The following UNG variants were observed in gnomAD, a reference collection of about 807,000 sequenced individuals.
UNG encodes uracil DNA glycosylase, also known as uracil-DNA glycosylase.
In UNG, 34 loss-of-function variants were observed where a neutral mutation model predicts 36.5. That is an observed-to-expected ratio of 0.93 (90% CI 0.71 to 1.24). The LOEUF (loss-of-function observed/expected upper bound fraction) is 1.24, where lower values mean the gene tolerates loss of function less well. UNG is among the 50% of genes most tolerant of loss of function. The pLI, the probability that UNG is intolerant of heterozygous loss-of-function variation, is 0.00. For missense variants in UNG, 391 were observed against 397.6 expected (o/e 0.98, Z 0.14); for synonymous variants, 172 against 157.8 (o/e 1.09, Z -0.67).
rs970558065 is a variant in UNG at position 109,110,715 on chromosome 12, G to T, written c.*746G>T. On this transcript the variant is annotated 3_prime_UTR_variant, in exon 7 of 7. Coordinates refer to ENST00000242576, the MANE Select transcript of UNG (RefSeq NM_080911.3). The stretch of plus-strand genomic sequence containing the variant: ...TTTTCTCCTAGGGTTATGTCCAGTT[G>T]GGGTTTTTAAGGCAGCACAGACTGC... 1.3e-5 allele frequency: 2 copies of T among 152,226 alleles called. No individual in the cohort carries two copies. Among genetic ancestry groups the T allele is most frequent in the African/African-American group, 4.8e-5 (2 of 41,378 alleles). 9.4% of individuals were successfully genotyped at this position (152,226 alleles called of 1,614,324 possible).
At position 109,108,735 on chromosome 12, in the gene UNG, A is replaced by G. The variant is rs1223157986; in HGVS notation, c.802-1094A>G. Among the ~76,000 whole-genome samples the G allele has an allele frequency of 3.9e-5, 6 of 152,340 alleles. No homozygotes were observed. In the East Asian group the frequency reaches 1.2e-3, roughly 29 times the overall value. ...AGCCTCGAACTCCTGGGCTCAAGTG[A>G]TCCTGCCACCTCAGTCTTCTGTGTA... On this transcript the variant is annotated intron_variant, in intron 6 of 6. Coordinates refer to ENST00000242576, the MANE Select transcript of UNG (RefSeq NM_080911.3).
In UNG at chr12:109,106,131, C is replaced by T. The variant is rs187049853; in HGVS notation, c.801+2520C>T. On this transcript the variant is annotated intron_variant, in intron 6 of 6. Transcript: ENST00000242576. ...GGCCTGTGCTGCTTGCGTGTGTGTTCAGCATTTGGTGTGCATGACTTCTTA... is the reference window on the plus strand; with the variant it reads ...GGCCTGTGCTGCTTGCGTGTGTGTTTAGCATTTGGTGTGCATGACTTCTTA... Among the ~76,000 whole-genome samples the T allele has an allele frequency of 1.4e-3, 209 of 152,292 alleles. 1 individual carries two copies. The highest frequency in any genetic ancestry group is 4.8e-3 in the African/African-American group (198 of 41,564).
In UNG at chr12:109,101,935, C is replaced by A. The variant is rs758959937; in HGVS notation, c.469C>A (p.His157Asn). Residue 157 changes from histidine (H) to asparagine (N), a missense_variant, in exon 4 of 7, where the codon CAT becomes AAT. His to Asn is a moderately conservative substitution (Grantham distance 68, BLOSUM62 1). Coordinates refer to ENST00000242576, the MANE Select transcript of UNG (RefSeq NM_080911.3). ...KVVILGQDPY[H>N]GPNQAHGLCF... ...TGTCATCCTGGGACAGGATCCATAT[C>A]ATGGACCTAATCAAGCTCACGGGCT... The A allele has an allele frequency of 1.9e-6, 3 of 1,614,078 alleles. No individual in the cohort carries two copies. The highest frequency in any genetic ancestry group is 2.5e-6 in the Non-Finnish European group (3 of 1,180,006).
Position 109,110,058 on chromosome 12 carries a change from A to C in UNG, c.*89A>C. On this transcript the variant is annotated 3_prime_UTR_variant, in exon 7 of 7. Transcript: ENST00000242576. ...ACTGAAAATTTTCCTATTAATTCTT[A>C]AGTACTCTGCATAAGGGGGAAAAGC... 6.3e-7 allele frequency: 1 copy of C among 1,580,642 alleles called. No homozygotes were observed. The highest frequency in any genetic ancestry group is 8.6e-7 in the Non-Finnish European group (1 of 1,158,234).
At chr12:109,100,441 T>G (rs1418472565) in intron 3 of UNG, among the ~76,000 whole-genome samples, 2 of 152,170 alleles carry the variant, frequency 1.3e-5, no homozygotes, top group African/African-American at 4.8e-5. Context: ...GTGAAATAGG[T>G]GAATAAATCA....
chr12:109,100,873 A>T (rs887432683), intron 3 of UNG, among the ~76,000 whole-genome samples: 1 of 152,168 alleles, frequency 6.6e-6, no homozygotes, highest in South Asian at 2.1e-4. Context: ...GATTCTAAGA[A>T]CGCAATGGCA....
In UNG at chr12:109,098,111, T is replaced by G; in HGVS notation, c.132+300T>G. ...GGGCGGGACCCAGAGGGAGGTTTTT[T>G]GCCGCGAAAAGACCACGTGGGGACG... On this transcript the variant is annotated intron_variant, in intron 1 of 6. Transcript: ENST00000242576. 3.7e-6 allele frequency: 5 copies of G among 1,362,636 alleles called. No homozygotes were observed. The South Asian group carries it at 5.7e-5, about 16-fold the overall frequency. 84.4% of individuals were successfully genotyped at this position (1,362,636 alleles called of 1,614,324 possible). A position where few individuals can be genotyped will look rare whatever the true frequency, so the allele number is the denominator to read the frequency against.
chr12:109,098,555 G>A lies in UNG; in HGVS notation c.256G>A (p.Ala86Thr), dbSNP rs1213187385. Residue 86 changes from alanine (A) to threonine (T), a missense_variant, in exon 2 of 7, where the codon GCG (alanine) becomes ACG (threonine). Physicochemically the swap from Ala to Thr is moderately conservative, Grantham distance 58. Transcript: ENST00000242576. ...CAAGGCCGCGGCCCTGCTCAGACTC[G>A]CGGCCCGCAACGTGCCCGTGGGCTT... Reference protein sequence around the residue: ...RNKAAALLRLAARNVPVGFGE... With the variant: ...RNKAAALLRLTARNVPVGFGE... 6.2e-7 allele frequency: 1 copy of A among 1,613,302 alleles called. No individual in the cohort carries two copies. The highest frequency in any genetic ancestry group is 1.3e-5 in the African/African-American group (1 of 75,064).
Position 109,103,556 on chromosome 12 carries a change from T to C in UNG, c.746T>C (p.Leu249Pro). The C allele has an allele frequency of 6.2e-7, 1 of 1,614,156 alleles. No homozygotes were observed. The highest frequency in any genetic ancestry group is 8.5e-7 in the Non-Finnish European group (1 of 1,180,042). Residue 249 changes from leucine to proline, a missense_variant, in exon 6 of 7, where the codon CTT becomes CCT. By Grantham distance (98) the Leu-to-Pro change is moderately conservative (BLOSUM62 -3). Transcript: ENST00000242576. ...TGGCTAAATCAGAACTCGAATGGCC[T>C]TGTTTTCTTGCTCTGGGGCTCTTAT... ...VSWLNQNSNGLVFLLWGSYAQ... is the reference protein window; with the variant it reads ...VSWLNQNSNGPVFLLWGSYAQ...
At chr12:109,102,385 G>A (rs1342730754) in intron 4 of UNG, among the ~76,000 whole-genome samples, 1 of 152,144 alleles carries the variant, frequency 6.6e-6, no homozygotes, top group Non-Finnish European at 1.5e-5. Flanking sequence ...GGCTGAGGCA[G>A]GAGAATCGCT....
chr12:109,097,982 T>A, intron 1 of UNG, 171 bp downstream of exon 1: 1 of 1,255,090 alleles, frequency 8.0e-7, no homozygotes, highest in Non-Finnish European at 1.1e-6. Context: ...TGGGCCGCCA[T>A]GCTAAAGGGC....
chr12:109,101,849 T>C (rs984812046), intron 3 of UNG, 53 bp from the exon 4 acceptor site: 9 of 1,476,772 alleles, frequency 6.1e-6, no homozygotes, highest in Non-Finnish European at 7.6e-6. Flanking sequence ...AGGCAGGGTC[T>C]GTGCTGCTTA....
chr12:109,098,302 G>A (rs925216587), intron 1 of UNG, 130 bp from the exon 2 acceptor site: 11 of 1,584,002 alleles, frequency 6.9e-6, no homozygotes, highest in Middle Eastern at 1.8e-4. Context: ...CTTACTGTCC[G>A]CTTTTGCTGG....
intron 6 of UNG, among the ~76,000 whole-genome samples, chr12:109,105,404 C>T (rs2042208726): frequency 6.6e-6 from 1 of 152,162 alleles, no homozygotes; most frequent in African/African-American, 2.4e-5. Flanking sequence ...GCCAGTGTTG[C>T]TCTTCCGCAG....
intron 6 of UNG, among the ~76,000 whole-genome samples, chr12:109,108,314 G>T (rs1054821003): frequency 6.6e-6 from 1 of 152,018 alleles, no homozygotes; most frequent in African/African-American, 2.4e-5. Context: ...GCACTCACAC[G>T]TTGTTTTTTT....
Position 109,099,123 on chromosome 12 carries a change from T to G in UNG, c.340-66T>G. On this transcript the variant is annotated intron_variant, in intron 2 of 6. Coordinates refer to ENST00000242576, the MANE Select transcript of UNG (RefSeq NM_080911.3). ...TTCCAAATAACTTGCACTAGAAGCTTTCTTATTGAATTCTTATGGTTTCCA... is the reference window on the plus strand; with the variant it reads ...TTCCAAATAACTTGCACTAGAAGCTGTCTTATTGAATTCTTATGGTTTCCA... 2.1e-6 allele frequency: 3 copies of G among 1,453,536 alleles called. No individual in the cohort carries two copies. In the South Asian group the frequency reaches 3.4e-5, roughly 17 times the overall value. 90.0% of individuals were successfully genotyped at this position (1,453,536 alleles called of 1,614,324 possible). A position where few individuals can be genotyped will look rare whatever the true frequency, so the allele number is the denominator to read the frequency against.
At chr12:109,100,357 C>T (rs949986283) in intron 3 of UNG, among the ~76,000 whole-genome samples, 2 of 152,152 alleles carry the variant, frequency 1.3e-5, no homozygotes, top group African/African-American at 2.4e-5. Flanking sequence ...GTTTCTTACC[C>T]GTTTTCCTCC....
At chr12:109,104,024 C>T (rs2042198535) in intron 6 of UNG, among the ~76,000 whole-genome samples, 1 of 151,292 alleles carries the variant, frequency 6.6e-6, no homozygotes, top group African/African-American at 2.4e-5. Flanking sequence ...CATGAAAATA[C>T]TATCAGTGAT....
At chr12:109,098,373 G>C in intron 1 of UNG, 59 bp from the exon 2 acceptor site, 1 of 1,601,608 alleles carries the variant, frequency 6.2e-7, no homozygotes, top group Non-Finnish European at 8.5e-7. Flanking sequence ...CGGAAGCTGC[G>C]GACGCCTGGG....
Sources: allele counts gnomAD v4.1 joint callset (sites outside exome capture counted in the v4.1 genomes callset), GRCh38; gene constraint gnomAD v4.1.1; transcripts MANE v1.5; gene names NCBI Gene and HGNC (gene_info 2026-07-23, HGNC 2026-07-21).